EBF1: variants seen among roughly 807,000 people sequenced by gnomAD.
EBF1 encodes the protein transcription factor COE1.
In EBF1, 10 loss-of-function variants were observed where a neutral mutation model predicts 68.4. The ratio of observed to expected loss-of-function variants is 0.15; its 90% CI spans 0.09 to 0.25. The LOEUF (loss-of-function observed/expected upper bound fraction) is 0.25. Ranked by LOEUF, EBF1 falls within the 10% of genes least tolerant of loss-of-function variation. The probability of loss-of-function intolerance (pLI) is 1.00; values close to 1 mark genes in which losing one functional copy is unlikely to be tolerated. For missense variants in EBF1, 509 were observed against 794.4 expected, an observed-to-expected ratio of 0.64 and a Z score of 4.32; for synonymous variants, 298 against 299.8, an observed-to-expected ratio of 0.99 and a Z score of 0.06.
intron 6 of EBF1, among the ~76,000 whole-genome samples, chr5:158,847,308 C>T (rs548605113): frequency 7.2e-5 from 11 of 152,278 alleles, no homozygotes; most frequent in Non-Finnish European, 1.3e-4. Flanking sequence ...AGGACGCACT[C>T]CACGTAGGTC....
chr5:158,905,370 C>T (rs191985424), intron 6 of EBF1, among the ~76,000 whole-genome samples: 5 of 152,200 alleles, frequency 3.3e-5, no homozygotes, highest in Admixed American at 3.3e-4. Context: ...AATTAAAGGG[C>T]CTTGCACTCT....
chr5:158,922,853 A>G (rs1323036570), intron 6 of EBF1, among the ~76,000 whole-genome samples: 1 of 152,002 alleles, frequency 6.6e-6, no homozygotes, highest in Non-Finnish European at 1.5e-5. Flanking sequence ...ATTTTATTTT[A>G]CTCTTTTTTC....
chr5:158,961,332 A>AAC (rs1280358722), intron 6 of EBF1, among the ~76,000 whole-genome samples: 1 of 151,762 alleles, frequency 6.6e-6, no homozygotes, highest in Non-Finnish European at 1.5e-5. Flanking sequence ...TTAAAGGAAA[A>AAC]AAAAATCATA....
chr5:158,877,605 T>A (rs1334849164), intron 6 of EBF1, among the ~76,000 whole-genome samples: 1 of 152,176 alleles, frequency 6.6e-6, no homozygotes, highest in Non-Finnish European at 1.5e-5. Context: ...AAATAGAGAC[T>A]AAATTATTTC....
intron 7 of EBF1, among the ~76,000 whole-genome samples, chr5:158,833,291 C>A (rs1455340849): frequency 2.7e-5 from 3 of 109,694 alleles, no homozygotes; most frequent in South Asian, 4.1e-4. Context: ...GAGCCAGACT[C>A]CATCTCAAAA....
chr5:158,849,673 A>T (rs1231581902), intron 6 of EBF1, among the ~76,000 whole-genome samples: 1 of 152,232 alleles, frequency 6.6e-6, no homozygotes, highest in Non-Finnish European at 1.5e-5. Flanking sequence ...CTGAATACAC[A>T]GCTGACTTAA....
chr5:158,884,332 T>C (rs1311429218), intron 6 of EBF1, among the ~76,000 whole-genome samples: 2 of 152,214 alleles, frequency 1.3e-5, no homozygotes, highest in African/African-American at 4.8e-5. Flanking sequence ...TACTTGATTA[T>C]ACCCTCTTTT....
chr5:158,773,130 G>A (rs1774235618), intron 10 of EBF1, among the ~76,000 whole-genome samples: 1 of 152,038 alleles, frequency 6.6e-6, no homozygotes, highest in South Asian at 2.1e-4. Flanking sequence ...GAAGGCGAAA[G>A]GGAGATAGGA....
At chr5:159,075,192 G>C (rs1778528536) in intron 5 of EBF1, among the ~76,000 whole-genome samples, 3 of 152,104 alleles carry the variant, frequency 2.0e-5, no homozygotes, top group South Asian at 4.2e-4. Context: ...AAATGCCAGG[G>C]AACAGGCTTG....
At chr5:158,925,954 T>C (rs940059808) in intron 6 of EBF1, among the ~76,000 whole-genome samples, 2 of 152,166 alleles carry the variant, frequency 1.3e-5, no homozygotes, top group Non-Finnish European at 2.9e-5. Flanking sequence ...GGAACAAAGT[T>C]TGGTGGGCTC....
intron 6 of EBF1, among the ~76,000 whole-genome samples, chr5:159,060,113 A>G (rs1561913176): frequency 2.0e-5 from 3 of 152,232 alleles, no homozygotes; most frequent in South Asian, 2.1e-4. Flanking sequence ...GAGACATTAT[A>G]CAATCAAAGT....
Position 158,922,873 on chromosome 5 carries a change from T to G in EBF1, c.555-82763A>C, listed in dbSNP as rs1475639490. 2.6e-5 allele frequency among the ~76,000 whole-genome samples: 4 copies of G among 152,244 alleles called. No homozygotes were observed. In the East Asian group the frequency reaches 7.7e-4, roughly 29 times the overall value. ...ATTTTACTCTTTTTTCTAACCACTC[T>G]CTGTCCAGGTGGAATGAGACACACA... On this transcript the variant is annotated intron_variant, in intron 6 of 15. Transcript: ENST00000313708.
intron 8 of EBF1, among the ~76,000 whole-genome samples, chr5:158,801,751 C>T (rs1303227392): frequency 6.6e-6 from 1 of 152,056 alleles, no homozygotes; most frequent in East Asian, 1.9e-4. Context: ...GACAACTGCA[C>T]CAGGGGACAT....
At chr5:158,789,441 T>C (rs1474113389) in intron 9 of EBF1, among the ~76,000 whole-genome samples, 1 of 152,206 alleles carries the variant, frequency 6.6e-6, no homozygotes, top group Admixed American at 6.5e-5. Context: ...AAAGGTGGTA[T>C]AGATAAGTCT....
intron 6 of EBF1, among the ~76,000 whole-genome samples, chr5:159,046,906 T>G (rs1401666807): frequency 1.3e-5 from 2 of 152,210 alleles, no homozygotes; most frequent in Non-Finnish European, 2.9e-5. Flanking sequence ...GGGAAAAGAT[T>G]CACTCAGTTG....
chr5:158,970,706 C>T (rs1755477141), intron 6 of EBF1, among the ~76,000 whole-genome samples: 1 of 152,068 alleles, frequency 6.6e-6, no homozygotes, highest in Admixed American at 6.6e-5. Flanking sequence ...GCTCATGTCC[C>T]AACTGTAACT....
Position 158,956,960 on chromosome 5 carries a change from G to A in EBF1, c.554+116436C>T, listed in dbSNP as rs1195363987. On this transcript the variant is annotated intron_variant, in intron 6 of 15. Coordinates refer to ENST00000313708, the MANE Select transcript of EBF1 (RefSeq NM_024007.5). ...TTTTTAGTAGAGACCGGGTTTCACC[G>A]TGTTAGCCAAGATGGTCTCGATCTC... Among the ~76,000 whole-genome samples the A allele has an allele frequency of 3.3e-5, 5 of 151,974 alleles. No homozygotes were observed. In the East Asian group the frequency reaches 7.7e-4, roughly 23 times the overall value.
intron 6 of EBF1, among the ~76,000 whole-genome samples, chr5:159,067,238 A>G (rs1184693723): frequency 1.3e-5 from 2 of 152,190 alleles, no homozygotes; most frequent in Non-Finnish European, 2.9e-5. Context: ...ATGATTGTGC[A>G]TAGTTACTAA....
At chr5:158,912,130 C>A (rs565120112) in intron 6 of EBF1, among the ~76,000 whole-genome samples, 318 of 152,348 alleles carry the variant, frequency 2.1e-3, no homozygotes, top group Non-Finnish European at 3.3e-3. Flanking sequence ...CAGGGCTCAT[C>A]TAAGTAGTGT....
Sources: gnomAD v4.1 joint callset for allele counts (sites outside exome capture counted in the v4.1 genomes callset) on GRCh38, gnomAD v4.1.1 for gene constraint, MANE v1.5 for transcripts, NCBI Gene and HGNC (gene_info 2026-07-23, HGNC 2026-07-21) for gene names.